The following VAC14 variants were observed in gnomAD, a reference collection of about 807,000 sequenced individuals.
VAC14 encodes the protein VAC14 component of PIKFYVE complex.
VAC14 carries 47 observed loss-of-function variants against 85.3 expected under a neutral mutation model. The observed-to-expected ratio is 0.55, with a 90% CI of 0.44 to 0.70. The LOEUF is 0.70. Ranked by LOEUF, VAC14 falls within the 30% of genes least tolerant of loss-of-function variation. VAC14 has a pLI of 0.00. For missense variants in VAC14, 861 were observed against 1,004.3 expected, an observed-to-expected ratio of 0.86 and a Z score of 1.93; for synonymous variants, 447 against 430.5, an observed-to-expected ratio of 1.04 and a Z score of -0.47.
At chr16:70,776,990 G>A (rs1171204831) in intron 9 of VAC14, among the ~76,000 whole-genome samples, 1 of 152,028 alleles carries the variant, frequency 6.6e-6, no homozygotes, top group Non-Finnish European at 1.5e-5. Context: ...TGTATTTTTA[G>A]TAGAGATGGG....
chr16:70,696,051 C>T (rs62047964), intron 16 of VAC14, among the ~76,000 whole-genome samples: 5,313 of 152,322 alleles, frequency 0.035, 153 homozygotes, highest in Non-Finnish European at 0.055. Context: ...AGCAGGCACA[C>T]TGTGGGGAGC....
chr16:70,747,521 C>T (rs1003728268), intron 12 of VAC14: 1 of 144,064 alleles, frequency 6.9e-6, no homozygotes, highest in Non-Finnish European at 1.5e-5. Context: ...GGGGGCAAAA[C>T]CCTAAATCAG....
chr16:70,744,686 G>A, intron 12 of VAC14, 107 bp from the exon 13 acceptor site: 1 of 1,367,428 alleles, frequency 7.3e-7, no homozygotes, highest in Non-Finnish European at 9.7e-7. Context: ...GGTGGGAGGG[G>A]TCTGCAGATG....
chr16:70,781,586 C>T lies in VAC14; in HGVS notation c.946+283G>A, dbSNP rs1195968495. The stretch of plus-strand genomic sequence containing the variant: ...CCTCCCACCAACAGGATCTCCCCAG[C>T]CCAAGGTGGGGCAGTATGAACTCAG... On this transcript the variant is annotated intron_variant, in intron 8 of 18. Coordinates refer to ENST00000261776, the MANE Select transcript of VAC14 (RefSeq NM_018052.5). Among the ~76,000 whole-genome samples the T allele has an allele frequency of 3.3e-5, 5 of 152,084 alleles. No individual in the cohort carries two copies. The East Asian group carries it at 9.7e-4, about 29-fold the overall frequency.
Position 70,698,665 on chromosome 16 carries a change from C to T in VAC14, c.1808G>A (p.Arg603Lys). ...GGTCTTCAGGTCCTTCAGCTGGTTC[C>T]TTAGCTGGAAGAGCTCTGTGGAGGT... ...LLTSTELFQLRNQLKDLKTLE... is the reference protein window; with the variant it reads ...LLTSTELFQLKNQLKDLKTLE... Residue 603 changes from arginine (R) to lysine (K), a missense_variant, in exon 15 of 19, where the codon AGG becomes AAG. Transcript: ENST00000261776. The T allele has an allele frequency of 6.2e-7, 1 of 1,614,172 alleles. No homozygotes were observed. Among genetic ancestry groups the T allele is most frequent in the Non-Finnish European group, 8.5e-7 (1 of 1,179,990 alleles).
At chr16:70,709,599 G>T (rs2053987310) in intron 14 of VAC14, among the ~76,000 whole-genome samples, 1 of 152,186 alleles carries the variant, frequency 6.6e-6, no homozygotes, top group Non-Finnish European at 1.5e-5. Flanking sequence ...CGAGAGGGAA[G>T]CAGGGCCTTG....
intron 16 of VAC14, chr16:70,696,862 C>T (rs980192335): frequency 1.1e-5 from 4 of 376,200 alleles, no homozygotes; most frequent in Non-Finnish European, 2.0e-5. Flanking sequence ...CTGGCACCTG[C>T]CGGGCTGGGC....
chr16:70,781,041 G>C, intron 8 of VAC14, 102 bp from the exon 9 acceptor site: 1 of 1,527,312 alleles, frequency 6.5e-7, no homozygotes, highest in South Asian at 1.2e-5. Flanking sequence ...GGCCTGGTGG[G>C]AGGGGTTTCG....
At chr16:70,714,334 GGGC>G (rs1398737108) in intron 14 of VAC14, 1 of 152,278 alleles carries the variant, frequency 6.6e-6, no homozygotes, top group African/African-American at 2.4e-5. Context: ...TTCACAGACG[GGGC>G]ACGCAGCTGA....
At chr16:70,704,009 G>A (rs1428925972) in intron 14 of VAC14, among the ~76,000 whole-genome samples, 1 of 152,196 alleles carries the variant, frequency 6.6e-6, no homozygotes, top group African/African-American at 2.4e-5. Context: ...CCAGGGGCTG[G>A]TGTGAGCCTT....
chr16:70,755,176 G>A, intron 12 of VAC14: 2 of 321,428 alleles, frequency 6.2e-6, no homozygotes, highest in Non-Finnish European at 6.2e-6. Flanking sequence ...CAGCGCTTCT[G>A]GGAGAAGGTC....
At chr16:70,781,787 C>G (rs918818206) in intron 8 of VAC14, 82 bp downstream of exon 8, 2 of 1,548,624 alleles carry the variant, frequency 1.3e-6, no homozygotes, top group Non-Finnish European at 1.8e-6. Context: ...TAAGAGAGCC[C>G]CCAGCCCCCA....
chr16:70,752,480 C>T (rs1016973639), intron 12 of VAC14, among the ~76,000 whole-genome samples: 2 of 152,242 alleles, frequency 1.3e-5, no homozygotes, highest in Non-Finnish European at 2.9e-5. Flanking sequence ...CCAGAGGGTA[C>T]ACTCTCAGGG....
intron 10 of VAC14, among the ~76,000 whole-genome samples, chr16:70,766,903 C>G (rs1207505186): frequency 2.0e-5 from 3 of 152,170 alleles, no homozygotes; most frequent in Non-Finnish European, 4.4e-5. Context: ...CTAGAGGGCA[C>G]ACTGCATGAT....
chr16:70,707,249 G>A (rs1297634868), intron 14 of VAC14, among the ~76,000 whole-genome samples: 1 of 152,240 alleles, frequency 6.6e-6, no homozygotes, highest in African/African-American at 2.4e-5. Flanking sequence ...CAGGGCAAAG[G>A]CAGCCATGGT....
intron 14 of VAC14, among the ~76,000 whole-genome samples, chr16:70,711,346 G>GT (rs1567531234): frequency 6.6e-6 from 1 of 152,208 alleles, no homozygotes; most frequent in African/African-American, 2.4e-5. Context: ...GAGAGGATGG[G>GT]TGGCAGCAGG....
chr16:70,785,505 A>G (rs1252218412), intron 3 of VAC14, among the ~76,000 whole-genome samples, 197 bp downstream of exon 3: 1 of 152,248 alleles, frequency 6.6e-6, no homozygotes, highest in Admixed American at 6.5e-5. Flanking sequence ...ATCAAAATGA[A>G]TTAAAAGAGA....
At chr16:70,794,402 G>T (rs914890860) in intron 1 of VAC14, among the ~76,000 whole-genome samples, 1 of 152,106 alleles carries the variant, frequency 6.6e-6, no homozygotes, top group Non-Finnish European at 1.5e-5. Flanking sequence ...TTTTATGGTT[G>T]GCTTCTTTCA....
intron 18 of VAC14, 37 bp downstream of exon 18, chr16:70,692,784 C>T: frequency 1.9e-6 from 3 of 1,578,754 alleles, no homozygotes; most frequent in Non-Finnish European, 2.6e-6. Context: ...TGTCCCTGCT[C>T]AGGGGGCGGG....
Sources: allele counts gnomAD v4.1 joint callset (sites outside exome capture counted in the v4.1 genomes callset), GRCh38; gene constraint gnomAD v4.1.1; transcripts MANE v1.5; gene names NCBI Gene and HGNC (gene_info 2026-07-23, HGNC 2026-07-21).